The following FAM135B variants were observed in gnomAD, a reference collection of about 807,000 sequenced individuals.
The protein encoded by FAM135B is family with sequence similarity 135 member B.
A neutral mutation model predicts 127.7 loss-of-function variants in FAM135B; 43 were observed. The ratio of observed to expected loss-of-function variants is 0.34; its 90% CI spans 0.26 to 0.43. The LOEUF (loss-of-function observed/expected upper bound fraction) is 0.43, where lower values mean the gene tolerates loss of function less well. Among genes scored for constraint, FAM135B ranks in the 20% least tolerant of loss-of-function variants. FAM135B has a pLI of 1.00. For synonymous variants in FAM135B, 670 were observed against 665.1 expected (o/e 1.01, Z -0.11); for missense variants, 1,558 against 1,725.6 (o/e 0.90, Z 1.72).
chr8:138,495,942 T>C (rs1380251033), intron 1 of FAM135B, among the ~76,000 whole-genome samples: 1 of 152,096 alleles, frequency 6.6e-6, no homozygotes, highest in Non-Finnish European at 1.5e-5. Flanking sequence ...CTATGAGCGA[T>C]GTGATTCTTG....
intron 1 of FAM135B, among the ~76,000 whole-genome samples, chr8:138,423,760 G>A (rs1269105563): frequency 6.6e-6 from 1 of 152,132 alleles, no homozygotes; most frequent in Non-Finnish European, 1.5e-5. Flanking sequence ...AATTTATTAG[G>A]TGGGAATTTT....
chr8:138,310,896 C>A lies in FAM135B; in HGVS notation c.102G>T (p.Leu34Phe). 6.2e-7 allele frequency: 1 copy of A among 1,613,672 alleles called. No individual in the cohort carries two copies. ...QRGYYQIRVTLKVSSRIPHRL... is the reference protein window; with the variant it reads ...QRGYYQIRVTFKVSSRIPHRL... ...TGTGGGGGATCCTTGAAGACACCTT[C>A]AAGGTCACTCGGATCTGGTAATACC... is the stretch of plus-strand genomic sequence containing the variant. The change falls in exon 3 of 20, where the codon TTG becomes TTT. Residue 34 changes from leucine to phenylalanine, a missense_variant. Around this residue, in one of 5 missense-constraint regions of FAM135B, gnomAD observed 199 missense variants for 245.7 expected, o/e 0.81. Transcript: ENST00000395297.
chr8:138,152,089 C>G lies in FAM135B; in HGVS notation c.2386G>C (p.Ala796Pro), dbSNP rs768656395. The change falls in exon 13 of 20, where the codon GCT (alanine) becomes CCT (proline). Residue 796 changes from alanine (A) to proline (P), a missense_variant. By Grantham distance (27) the Ala-to-Pro change is conservative. Transcript: ENST00000395297. ...ADTKQQDGGFAEPSDMHSKSQ... is the reference protein window; with the variant it reads ...ADTKQQDGGFPEPSDMHSKSQ... ...TTGCTGTGCATATCTGAAGGTTCAG[C>G]AAAACCTCCATCTTGCTGCTTGGTG... 2.5e-6 allele frequency: 4 copies of G among 1,613,930 alleles called. No individual in the cohort carries two copies. The South Asian group carries it at 4.4e-5, about 18-fold the overall frequency.
intron 9 of FAM135B, among the ~76,000 whole-genome samples, chr8:138,194,816 C>T (rs1164042622): frequency 6.6e-6 from 1 of 152,198 alleles, no homozygotes; most frequent in Non-Finnish European, 1.5e-5. Context: ...ACTCTTAATG[C>T]ACGCTTGATG....
chr8:138,418,970 CATAAG>C (rs1254368051), intron 1 of FAM135B, among the ~76,000 whole-genome samples: 6 of 150,048 alleles, frequency 4.0e-5, no homozygotes, highest in Non-Finnish European at 5.9e-5. Flanking sequence ...AACTAGCTAA[CATAAG>C]ATAACAGAAT....
At chr8:138,211,384 A>G (rs192650980) in intron 7 of FAM135B, among the ~76,000 whole-genome samples, 1 of 152,320 alleles carries the variant, frequency 6.6e-6, no homozygotes, top group Non-Finnish European at 1.5e-5. Context: ...TCTCTCAGAC[A>G]GTGTCAAGAA....
At chr8:138,236,416 ACACACACACACATCCC>A (rs1820279568) in intron 7 of FAM135B, among the ~76,000 whole-genome samples, 1 of 152,002 alleles carries the variant, frequency 6.6e-6, no homozygotes, top group Non-Finnish European at 1.5e-5. Context: ...ACACACACAC[ACACACACACACATCCC>A]CACATACACA....
At chr8:138,425,974 T>C (rs111721727) in intron 1 of FAM135B, among the ~76,000 whole-genome samples, 4 of 8,260 alleles carry the variant, frequency 4.8e-4, no homozygotes, top group African/African-American at 3.3e-3. Context: ...CATATATATA[T>C]ATATATATAT....
In FAM135B at chr8:138,151,593, C is replaced by A; in HGVS notation, c.2882G>T (p.Cys961Phe). ...ATTAAATGCTGTGTCATCCATAATG[C>A]AAGGTGAACCGCTTTGGCTTTGCTG... ...TGQQSQSGSP[C>F]IMDDTAFNRG... The change falls in exon 13 of 20, where the codon TGC becomes TTC. Residue 961 changes from cysteine (C) to phenylalanine (F), a missense_variant. This residue lies in a region of FAM135B where 923 missense variants were observed against 865.3 expected (regional missense o/e 1.07). Transcript: ENST00000395297. The A allele has an allele frequency of 1.2e-6, 2 of 1,614,186 alleles. No individual in the cohort carries two copies. The highest frequency in any genetic ancestry group is 2.2e-5 in the South Asian group (2 of 91,080).
chr8:138,376,693 G>A (rs535530054), intron 1 of FAM135B, among the ~76,000 whole-genome samples: 2 of 152,174 alleles, frequency 1.3e-5, no homozygotes, highest in East Asian at 1.9e-4. Context: ...AAAGTACCAC[G>A]GAGAACATCA....
chr8:138,485,036 A>G (rs879460166), intron 1 of FAM135B, among the ~76,000 whole-genome samples: 4 of 152,218 alleles, frequency 2.6e-5, no homozygotes, highest in Non-Finnish European at 5.9e-5. Context: ...ACAACACCTC[A>G]GCTAAGATGA....
intron 18 of FAM135B, among the ~76,000 whole-genome samples, chr8:138,137,550 G>A (rs1419893991): frequency 6.6e-6 from 1 of 152,098 alleles, no homozygotes; most frequent in East Asian, 1.9e-4. Context: ...TGAAAGCTAA[G>A]GAGACACACA....
At position 138,151,463 on chromosome 8, in the gene FAM135B, C is replaced by T. The variant is rs1818139155; in HGVS notation, c.3012G>A (p.Lys1004=). 5 of 1,614,240 alleles carry T rather than the reference C, an allele frequency of 3.1e-6. No individual in the cohort carries two copies. Among genetic ancestry groups the T allele is most frequent in the Non-Finnish European group, 4.2e-6 (5 of 1,180,044 alleles). The change falls in exon 13 of 20, where the codon AAG becomes AAA. Residue 1004 remains lysine, a synonymous_variant. Transcript: ENST00000395297. Reference sequence around the variant, plus strand: ...GGGACCCCATGATGGAAGTGCCTGCCTTCAGCTCTTGGTTTTTCAAAACCT... The same window carrying T: ...GGGACCCCATGATGGAAGTGCCTGCTTTCAGCTCTTGGTTTTTCAAAACCT... ...HSQVLKNQEL[K]AGTSIMGSHL...
rs200995402 is a variant in FAM135B, at chr8:138,335,972, A to G, written c.78-25052T>C. Among the ~76,000 whole-genome samples, 34 of 152,288 alleles carry G rather than the reference A, an allele frequency of 2.2e-4. No homozygotes were observed. In the East Asian group the frequency reaches 6.2e-3, roughly 28 times the overall value. The stretch of plus-strand genomic sequence containing the variant: ...GAAACTCACTCAAAACCGCTCAACT[A>G]CATGGAAACTGAACAACCTGCTCCT... On this transcript the variant is annotated intron_variant, in intron 2 of 19. Transcript: ENST00000395297.
chr8:138,300,051 T>C (rs1479010944), intron 3 of FAM135B, among the ~76,000 whole-genome samples: 1 of 152,072 alleles, frequency 6.6e-6, no homozygotes, highest in Non-Finnish European at 1.5e-5. Flanking sequence ...CACTGCAGCC[T>C]CCACATCCCG....
chr8:138,322,919 T>C (rs1827548726), intron 2 of FAM135B, among the ~76,000 whole-genome samples: 1 of 152,222 alleles, frequency 6.6e-6, no homozygotes, highest in African/African-American at 2.4e-5. Context: ...GAGGCCTTGG[T>C]GTTCCAAAAG....
chr8:138,379,363 A>G (rs188394744), intron 1 of FAM135B, among the ~76,000 whole-genome samples: 4 of 152,152 alleles, frequency 2.6e-5, no homozygotes, highest in African/African-American at 7.2e-5. Flanking sequence ...TTTTGGGAAG[A>G]TCAACATAAA....
intron 1 of FAM135B, among the ~76,000 whole-genome samples, chr8:138,388,161 T>C (rs1832328625): frequency 6.6e-6 from 1 of 151,960 alleles, no homozygotes; most frequent in East Asian, 1.9e-4. Context: ...ACATCACACA[T>C]CACCAGGAAA....
At chr8:138,144,085 C>T (rs1817448581) in intron 15 of FAM135B, among the ~76,000 whole-genome samples, 1 of 152,192 alleles carries the variant, frequency 6.6e-6, no homozygotes, top group Admixed American at 6.5e-5. Flanking sequence ...TTATTTATTA[C>T]AGGGGGATAG....
Sources: gnomAD v4.1 joint callset for allele counts (sites outside exome capture counted in the v4.1 genomes callset) on GRCh38, gnomAD v4.1.1 for gene constraint, gnomAD v4.1.1 regional missense constraint, MANE v1.5 for transcripts, NCBI Gene and HGNC (gene_info 2026-07-23, HGNC 2026-07-21) for gene names.